MOV10: variants seen among roughly 807,000 people sequenced by gnomAD.
MOV10 encodes RNA helicase MOV-10.
In MOV10, 39 loss-of-function variants were observed where a neutral mutation model predicts 108.4. The observed-to-expected ratio is 0.36, with a 90% CI of 0.28 to 0.47. MOV10 has a LOEUF of 0.47. MOV10 is among the 20% of genes least tolerant of loss of function. The pLI is 1.00. For synonymous variants in MOV10, 490 were observed against 523.1 expected (o/e 0.94, Z 0.86); for missense variants, 952 against 1,297.6 (o/e 0.73, Z 4.09).
Position 112,694,772 on chromosome 1 carries a change from C to T in MOV10, c.1496C>T (p.Ser499Leu). ...AGGCTGTACGACCGGAGTCTGGAGT[C>T]AAACCCAGAGCAGCTGCAGGCCATG... is the stretch of plus-strand genomic sequence containing the variant. ...KLKLYDRSLE[S>L]NPEQLQAMRH... The change falls in exon 10 of 21, where the codon TCA becomes TTA. Residue 499 changes from serine to leucine, a missense_variant. Ser to Leu is a moderately radical substitution (Grantham distance 145). Around this residue, in one of 5 missense-constraint regions of MOV10, gnomAD observed 453 missense variants for 611.5 expected, o/e 0.74. Coordinates refer to ENST00000369645, the MANE Select transcript of MOV10 (RefSeq NM_001321324.2). This position sits in a 1 kb window ranked among gnomAD's most constrained non-coding sequence, Gnocchi z 4.1. The T allele has an allele frequency of 6.2e-7, 1 of 1,614,148 alleles. No individual in the cohort carries two copies. The highest frequency in any genetic ancestry group is 8.5e-7 in the Non-Finnish European group (1 of 1,180,006).
chr1:112,691,915 T>C (rs1006897867), intron 6 of MOV10, 116 bp downstream of exon 6: 8 of 1,154,092 alleles, frequency 6.9e-6, no homozygotes, highest in Non-Finnish European at 8.7e-6. Flanking sequence ...ATTCCCTTAC[T>C]GAGCACGCAC....
chr1:112,700,162 G>A (rs1320500088), intron 19 of MOV10, 57 bp from the exon 20 acceptor site: 1 of 1,611,924 alleles, frequency 6.2e-7, no homozygotes, highest in African/African-American at 1.3e-5. Context: ...CAGCTCAGAT[G>A]GGACAGGACC....
Position 112,700,513 on chromosome 1 carries a change from C to CAGCGAGA in MOV10, c.*9_*10insGAGAAGC. On this transcript the variant is annotated 3_prime_UTR_variant, in exon 21 of 21. Transcript: ENST00000369645. ...AGTGGAGGAATGAGCTCTGAAGACACAGCACCCAGCCTTCTCGCACCAGCC... is the reference window on the plus strand; with the variant it reads ...AGTGGAGGAATGAGCTCTGAAGACACAGCGAGAAGCACCCAGCCTTCTCGCACCAGCC... The CAGCGAGA allele has an allele frequency of 6.2e-7, 1 of 1,612,370 alleles. No individual in the cohort carries two copies.
Position 112,678,566 on chromosome 1 carries a change from G to T in MOV10, c.137+3517G>T, listed in dbSNP as rs143273512. ...AGTCTAGCAACCTAGACTAGATCAA[G>T]AAACTTAGGCAGAGGTTTCTTGGGG... On this transcript the variant is annotated intron_variant, in intron 2 of 20. Coordinates refer to ENST00000369645, the MANE Select transcript of MOV10 (RefSeq NM_001321324.2). Among the ~76,000 whole-genome samples the T allele has an allele frequency of 5.9e-5, 9 of 152,150 alleles. No individual in the cohort carries two copies. The East Asian group carries it at 1.5e-3, about 26-fold the overall frequency.
At position 112,675,180 on chromosome 1, in the gene MOV10, G is replaced by A; in HGVS notation, c.137+131G>A. 1.9e-6 allele frequency: 2 copies of A among 1,048,952 alleles called. No individual in the cohort carries two copies. Among genetic ancestry groups the A allele is most frequent in the Admixed American group, 8.1e-5 (2 of 24,570 alleles). The allele number at this position is 1,048,952 out of a possible 1,614,324, so 65.0% of individuals were successfully genotyped here. ...CCCCCAGCGGCTCAGGCCAGTCCCGGGGCGGCGCAGACCTCCCCTCCCGCG... is the reference window on the plus strand; with the variant it reads ...CCCCCAGCGGCTCAGGCCAGTCCCGAGGCGGCGCAGACCTCCCCTCCCGCG... On this transcript the variant is annotated intron_variant, in intron 2 of 20. Coordinates refer to ENST00000369645, the MANE Select transcript of MOV10 (RefSeq NM_001321324.2). The surrounding 1 kb of genome is among the most constrained non-coding windows in gnomAD (Gnocchi z 4.7).
chr1:112,694,738 C>T lies in MOV10; in HGVS notation c.1473-11C>T, dbSNP rs747439722. On this transcript the variant is annotated splice_polypyrimidine_tract_variant and intron_variant, in intron 9 of 20. Transcript: ENST00000369645. This position sits in a 1 kb window ranked among gnomAD's most constrained non-coding sequence, Gnocchi z 4.1. The stretch of plus-strand genomic sequence containing the variant: ...ATGACTTCAAGTTCACATTCCTGGT[C>T]CCTCTGCCAGGCTGTACGACCGGAG... 6.2e-7 allele frequency: 1 copy of T among 1,613,240 alleles called. No individual in the cohort carries two copies. The highest frequency in any genetic ancestry group is 1.1e-5 in the South Asian group (1 of 91,000).
chr1:112,696,090 A>G, intron 11 of MOV10, 58 bp from the exon 12 acceptor site: 1 of 1,183,654 alleles, frequency 8.4e-7, no homozygotes, highest in Non-Finnish European at 1.3e-6. Flanking sequence ...CACAGCCAGA[A>G]TCACGGTGGG....
In MOV10 at chr1:112,689,828, A is replaced by G. The variant is rs570481139; in HGVS notation, c.578-12A>G. 29 of 1,612,270 alleles carry G rather than the reference A, an allele frequency of 1.8e-5. No homozygotes were observed. The South Asian group carries it at 2.2e-4, about 12-fold the overall frequency. On this transcript the variant is annotated splice_polypyrimidine_tract_variant and intron_variant, in intron 4 of 20. Coordinates refer to ENST00000369645, the MANE Select transcript of MOV10 (RefSeq NM_001321324.2). ...GGTCCCTACCCCCATTCACTCATCC[A>G]TTCTCCTCCAGGTGAATGCTATGAA...
At chr1:112,693,463 G>A (rs996665987) in intron 7 of MOV10, among the ~76,000 whole-genome samples, 3 of 151,954 alleles carry the variant, frequency 2.0e-5, no homozygotes, top group African/African-American at 7.3e-5. Flanking sequence ...TTTAATCCCC[G>A]CCGCCCGGGC....
At chr1:112,677,168 A>C (rs1437780903) in intron 2 of MOV10, among the ~76,000 whole-genome samples, 1 of 152,206 alleles carries the variant, frequency 6.6e-6, no homozygotes, top group Non-Finnish European at 1.5e-5. Flanking sequence ...AAGGCCTTCT[A>C]TGTGGGTTCA....
In MOV10 at chr1:112,696,761, C is replaced by A. The variant is rs755635865; in HGVS notation, c.2113C>A (p.Arg705=). The A allele has an allele frequency of 5.0e-6, 8 of 1,604,782 alleles. No homozygotes were observed. In the South Asian group the frequency reaches 8.9e-5, roughly 18 times the overall value. Residue 705 remains arginine, a synonymous_variant, in exon 14 of 21, where the codon CGG becomes AGG. Coordinates refer to ENST00000369645, the MANE Select transcript of MOV10 (RefSeq NM_001321324.2). ...TGGACTGGGATACTCACTGCTGGAG[C>A]GGCTGCTCACCTACAACTCCCTGTA... ...KHGLGYSLLE[R]LLTYNSLYKK...
intron 6 of MOV10, 120 bp downstream of exon 6, chr1:112,691,919 C>A: frequency 9.1e-7 from 1 of 1,097,614 alleles, no homozygotes; most frequent in Non-Finnish European, 1.3e-6. Context: ...CCTTACTGAG[C>A]ACGCACCATA....
chr1:112,683,567 C>G (rs574986081), intron 2 of MOV10, among the ~76,000 whole-genome samples: 1 of 152,042 alleles, frequency 6.6e-6, no homozygotes, highest in South Asian at 2.1e-4. Context: ...TTGAACTTCT[C>G]AGTTGAAGTG....
intron 2 of MOV10, among the ~76,000 whole-genome samples, chr1:112,679,465 C>T (rs1424911781): frequency 1.3e-5 from 2 of 152,016 alleles, no homozygotes; most frequent in Non-Finnish European, 2.9e-5. Flanking sequence ...TTTGCATTAT[C>T]GTTGTTACTA....
chr1:112,695,672 A>C, intron 11 of MOV10, 98 bp downstream of exon 11: 2 of 1,330,686 alleles, frequency 1.5e-6, no homozygotes, highest in Non-Finnish European at 2.0e-6. Flanking sequence ...GGATTCTGAT[A>C]CTTGCTATGT....
At chr1:112,697,501 T>G (rs985054257) in intron 14 of MOV10, among the ~76,000 whole-genome samples, 6 of 152,104 alleles carry the variant, frequency 3.9e-5, no homozygotes, top group African/African-American at 1.2e-4. Context: ...GAAGATACAG[T>G]TTTTTCATAA....
At chr1:112,687,896 G>GC (rs1673205195) in intron 2 of MOV10, among the ~76,000 whole-genome samples, 1 of 152,010 alleles carries the variant, frequency 6.6e-6, no homozygotes, top group South Asian at 2.1e-4. Flanking sequence ...CAAGTGGGCC[G>GC]CCCCCCTCTG....
Position 112,694,406 on chromosome 1 carries a change from C to T in MOV10, c.1296-47C>T, listed in dbSNP as rs755191385. 1 of 1,609,388 alleles carries T rather than the reference C, an allele frequency of 6.2e-7. No individual in the cohort carries two copies. Among genetic ancestry groups the T allele is most frequent in the Non-Finnish European group, 8.5e-7 (1 of 1,177,158 alleles). ...GAGAAAGTTCTGGCCCTTTATTGCC[C>T]ACCTCCCCTGCCCCAACAAACTCTT... On this transcript the variant is annotated intron_variant, in intron 8 of 20. Coordinates refer to ENST00000369645, the MANE Select transcript of MOV10 (RefSeq NM_001321324.2). This position sits in a 1 kb window ranked among gnomAD's most constrained non-coding sequence, Gnocchi z 4.1.
In MOV10 at chr1:112,689,821, C is replaced by G; in HGVS notation, c.578-19C>G. On this transcript the variant is annotated intron_variant, in intron 4 of 20. Transcript: ENST00000369645. ...GTGGGAGGGTCCCTACCCCCATTCA[C>G]TCATCCATTCTCCTCCAGGTGAATG... is the stretch of plus-strand genomic sequence containing the variant. 1 of 1,610,748 alleles carries G rather than the reference C, an allele frequency of 6.2e-7. No homozygotes were observed. The highest frequency in any genetic ancestry group is 8.5e-7 in the Non-Finnish European group (1 of 1,177,760).
Sources: allele counts gnomAD v4.1 joint callset (sites outside exome capture counted in the v4.1 genomes callset), GRCh38; gene constraint gnomAD v4.1.1; regional missense constraint gnomAD v4.1.1; non-coding constraint Gnocchi (gnomAD v3.1); transcripts MANE v1.5; gene names NCBI Gene and HGNC (gene_info 2026-07-23, HGNC 2026-07-21).